The following MARCHF1 variants were observed in gnomAD, a reference collection of about 807,000 sequenced individuals.
MARCHF1 encodes E3 ubiquitin-protein ligase MARCHF1.
A neutral mutation model predicts 54.2 loss-of-function variants in MARCHF1; 40 were observed. That is an observed-to-expected ratio of 0.74 (90% confidence interval 0.57 to 0.96). The LOEUF (loss-of-function observed/expected upper bound fraction) is 0.96, where lower values mean the gene tolerates loss of function less well. MARCHF1 is among the 40% of genes least tolerant of loss of function. The probability of loss-of-function intolerance (pLI) is 0.00; values close to 1 mark genes in which losing one functional copy is unlikely to be tolerated. For synonymous variants in MARCHF1, 236 were observed against 236.3 expected (o/e 1.00, Z 0.01); for missense variants, 586 against 656.5 (o/e 0.89, Z 1.17).
At chr4:164,242,570 C>A (rs1380584749) in intron 1 of MARCHF1, among the ~76,000 whole-genome samples, 2 of 152,052 alleles carry the variant, frequency 1.3e-5, no homozygotes, top group Non-Finnish European at 2.9e-5. Context: ...AAGCAGAGCG[C>A]CTCTCCTCCT....
At chr4:163,686,588 T>C (rs1371458778) in intron 5 of MARCHF1, among the ~76,000 whole-genome samples, 1 of 151,860 alleles carries the variant, frequency 6.6e-6, no homozygotes, top group Non-Finnish European at 1.5e-5. Context: ...TAATAAGCTC[T>C]AATTTTCTAA....
chr4:164,025,404 A>G (rs532449906), intron 2 of MARCHF1, among the ~76,000 whole-genome samples: 1 of 152,206 alleles, frequency 6.6e-6, no homozygotes, highest in Admixed American at 6.5e-5. Flanking sequence ...AGAACACAAA[A>G]AAATAAAAAC....
chr4:163,779,408 T>C (rs1340414181), intron 4 of MARCHF1, among the ~76,000 whole-genome samples: 1 of 152,222 alleles, frequency 6.6e-6, no homozygotes, highest in Admixed American at 6.5e-5. Flanking sequence ...GTTATAGGTT[T>C]AATTACTGCC....
At chr4:164,144,096 G>A (rs530119138) in intron 1 of MARCHF1, among the ~76,000 whole-genome samples, 1 of 151,976 alleles carries the variant, frequency 6.6e-6, no homozygotes, top group African/African-American at 2.4e-5. Flanking sequence ...AATGGTAAAG[G>A]GATCAATTCA....
chr4:163,627,527 G>T (rs1443235003), intron 5 of MARCHF1, among the ~76,000 whole-genome samples: 1 of 152,092 alleles, frequency 6.6e-6, no homozygotes, highest in East Asian at 1.9e-4. Flanking sequence ...AAAGGATGTG[G>T]GTGACAAATT....
intron 1 of MARCHF1, among the ~76,000 whole-genome samples, chr4:164,335,531 G>A (rs62348056): frequency 0.017 from 2,528 of 150,902 alleles, 77 homozygotes; most frequent in African/African-American, 0.058. Flanking sequence ...GCAGTGAGCC[G>A]AGATTGTGCC....
At chr4:164,110,723 A>C (rs2111181496) in intron 2 of MARCHF1, among the ~76,000 whole-genome samples, 1 of 151,872 alleles carries the variant, frequency 6.6e-6, no homozygotes, top group South Asian at 2.1e-4. Context: ...CCAAAAAAAA[A>C]AAAGCTGCAA....
At chr4:163,651,801 T>C (rs1269265402) in intron 5 of MARCHF1, among the ~76,000 whole-genome samples, 2 of 151,632 alleles carry the variant, frequency 1.3e-5, no homozygotes, top group Non-Finnish European at 2.9e-5. Flanking sequence ...TTTCCACTTT[T>C]TTTTTTTTTA....
intron 2 of MARCHF1, among the ~76,000 whole-genome samples, chr4:164,013,257 T>A (rs554029353): frequency 2.0e-4 from 31 of 151,936 alleles, no homozygotes; most frequent in African/African-American, 7.0e-4. Context: ...TTGAGAAACA[T>A]AAAAATGCAT....
chr4:163,623,316 G>A (rs1741751090), intron 5 of MARCHF1, among the ~76,000 whole-genome samples: 1 of 152,140 alleles, frequency 6.6e-6, no homozygotes, highest in South Asian at 2.1e-4. Context: ...TAGGCATTCT[G>A]GCAGCTACAG....
At chr4:164,305,187 A>G (rs1160978062) in intron 1 of MARCHF1, among the ~76,000 whole-genome samples, 1 of 152,136 alleles carries the variant, frequency 6.6e-6, no homozygotes, top group African/African-American at 2.4e-5. Context: ...CAAAATCCCC[A>G]CCCTATAATG....
chr4:163,778,449 T>C (rs1747367392), intron 4 of MARCHF1, among the ~76,000 whole-genome samples: 1 of 152,206 alleles, frequency 6.6e-6, no homozygotes, highest in African/African-American at 2.4e-5. Context: ...ATTGCTATAC[T>C]GAACAATAAA....
At chr4:163,857,855 G>A (rs1455496809) in intron 3 of MARCHF1, among the ~76,000 whole-genome samples, 1 of 152,014 alleles carries the variant, frequency 6.6e-6, no homozygotes, top group African/African-American at 2.4e-5. Context: ...CTTACAATTA[G>A]GAGGGGAAAC....
At chr4:163,858,478 T>G (rs1579345525) in intron 3 of MARCHF1, among the ~76,000 whole-genome samples, 1 of 152,276 alleles carries the variant, frequency 6.6e-6, no homozygotes, top group East Asian at 1.9e-4. Flanking sequence ...AGTGCCCACC[T>G]TCCCTATTCT....
At chr4:164,126,724 G>T (rs1259191711) in intron 1 of MARCHF1, among the ~76,000 whole-genome samples, 2 of 152,154 alleles carry the variant, frequency 1.3e-5, no homozygotes, top group African/African-American at 2.4e-5. Context: ...CAAAATGTTG[G>T]TAGAAATGTG....
At chr4:164,117,122 G>A (rs1236357467) in intron 1 of MARCHF1, among the ~76,000 whole-genome samples, 1 of 152,002 alleles carries the variant, frequency 6.6e-6, no homozygotes, top group Non-Finnish European at 1.5e-5. Context: ...GCCAGACGTG[G>A]TTGTGCATGC....
chr4:164,185,673 T>G (rs1730949195), intron 1 of MARCHF1, among the ~76,000 whole-genome samples: 1 of 152,068 alleles, frequency 6.6e-6, no homozygotes. Context: ...AAAGTAGACT[T>G]TTTTTCCCAT....
intron 1 of MARCHF1, among the ~76,000 whole-genome samples, chr4:164,355,768 A>G (rs1730506346): frequency 9.7e-6 from 1 of 103,368 alleles, no homozygotes. Context: ...GACAAATGGG[A>G]TCTAGTTAAA....
At chr4:164,272,265 G>C (rs1733762412) in intron 1 of MARCHF1, among the ~76,000 whole-genome samples, 1 of 151,868 alleles carries the variant, frequency 6.6e-6, no homozygotes, top group Non-Finnish European at 1.5e-5. Flanking sequence ...CATCTTCATT[G>C]CTAGTATGTA....
Sources: allele counts gnomAD v4.1 joint callset (sites outside exome capture counted in the v4.1 genomes callset), GRCh38; gene constraint gnomAD v4.1.1; transcripts MANE v1.5; gene names NCBI Gene and HGNC (gene_info 2026-07-23, HGNC 2026-07-21).